The following IGBP1 variants were observed in gnomAD, a reference collection of about 807,000 sequenced individuals.
IGBP1 encodes the protein immunoglobulin-binding protein 1.
A neutral mutation model predicts 25.9 loss-of-function variants in IGBP1; 2 were observed. That is an observed-to-expected ratio of 0.08 (90% confidence interval 0.03 to 0.24). IGBP1 has a LOEUF of 0.24. Ranked by LOEUF, IGBP1 falls within the 10% of genes least tolerant of loss-of-function variation. The pLI is 1.00. For synonymous variants in IGBP1, 96 were observed against 93.4 expected (o/e 1.03, Z -0.16); for missense variants, 187 against 260.4 (o/e 0.72, Z 1.94).
At position 70,136,291 on chromosome X, in the gene IGBP1, G is replaced by A. The variant is rs770219540; in HGVS notation, c.482+1475G>A. 8.7e-4 allele frequency among the ~76,000 whole-genome samples: 97 copies of A among 111,773 alleles called. 1 individual carries two copies. Among genetic ancestry groups the A allele is most frequent in the African/African-American group, 2.9e-3 (90 of 30,790 alleles). ...TATATTGGTGCAGAAGCAATACACA[G>A]TCAGGGGAACATCAATAAATTACAT... is the stretch of plus-strand genomic sequence containing the variant. On this transcript the variant is annotated intron_variant, in intron 3 of 6. Coordinates refer to ENST00000356413, the MANE Select transcript of IGBP1 (RefSeq NM_001551.3).
At chrX:70,147,971 CT>C (rs1382880185) in intron 4 of IGBP1, among the ~76,000 whole-genome samples, 1 of 112,270 alleles carries the variant, frequency 8.9e-6, no homozygotes, top group African/African-American at 3.2e-5. Context: ...TATAAGGCCC[CT>C]TGAGCATGTC....
chrX:70,157,658 G>T (rs945575162), intron 6 of IGBP1, among the ~76,000 whole-genome samples: 2 of 112,295 alleles, frequency 1.8e-5, no homozygotes, highest in Non-Finnish European at 3.8e-5. Context: ...AAAGCCAGAC[G>T]CAAAAGAGTA....
intron 6 of IGBP1, among the ~76,000 whole-genome samples, chrX:70,156,987 G>T (rs892649725): frequency 8.9e-6 from 1 of 111,828 alleles, no homozygotes; most frequent in Non-Finnish European, 1.9e-5. Context: ...TGTTCTTACT[G>T]CAAAAATAAC....
chrX:70,136,583 A>G (rs1024077352), intron 3 of IGBP1, among the ~76,000 whole-genome samples: 1 of 111,316 alleles, frequency 9.0e-6, no homozygotes, highest in African/African-American at 3.3e-5. Flanking sequence ...AAACAGCACA[A>G]TATCTGGCAT....
chrX:70,145,698 C>A (rs983682469), intron 3 of IGBP1, among the ~76,000 whole-genome samples: 1 of 111,523 alleles, frequency 9.0e-6, no homozygotes, highest in Non-Finnish European at 1.9e-5. Flanking sequence ...ATTTCTCAGC[C>A]ATGTCAGGCC....
chrX:70,147,867 G>A (rs774179222), intron 4 of IGBP1, among the ~76,000 whole-genome samples: 22 of 112,048 alleles, frequency 2.0e-4, no homozygotes, highest in African/African-American at 7.1e-4. Flanking sequence ...AATTTGATTT[G>A]TACTAATTAG....
chrX:70,139,931 C>A (rs2085119961), intron 3 of IGBP1, among the ~76,000 whole-genome samples: 1 of 111,922 alleles, frequency 8.9e-6, no homozygotes, highest in Admixed American at 9.5e-5. Flanking sequence ...TCTTTCAGTT[C>A]TTTGAATAGA....
chrX:70,134,092 C>A lies in IGBP1; in HGVS notation c.145C>A (p.Leu49Ile). The A allele has an allele frequency of 8.3e-7, 1 of 1,211,902 alleles. No homozygotes were observed. The highest frequency in any genetic ancestry group is 1.1e-6 in the Non-Finnish European group (1 of 895,348). The change falls in exon 2 of 7, where the codon CTT (leucine) becomes ATT (isoleucine). Residue 49 changes from leucine to isoleucine, a missense_variant. By Grantham distance (5) the Leu-to-Ile change is conservative. Transcript: ENST00000356413. The stretch of plus-strand genomic sequence containing the variant: ...GAAGGTGTTCAAGGGCTTGGACCTC[C>A]TTGAGAAGGCTGCCGAAATGTTATC... ...QEKVFKGLDLLEKAAEMLSQL... is the reference protein window; with the variant it reads ...QEKVFKGLDLIEKAAEMLSQL...
intron 4 of IGBP1, among the ~76,000 whole-genome samples, chrX:70,147,422 C>CA (rs1220942143): frequency 6.9e-4 from 70 of 101,395 alleles, no homozygotes; most frequent in East Asian, 2.4e-3. Flanking sequence ...GACTCCATCT[C>CA]AAAAAAAAAA....
rs2085077781 is a variant in IGBP1 at position 70,133,877 on chromosome X, G to A, written c.-71G>A. The A allele has an allele frequency of 1.4e-5, 14 of 992,118 alleles. No individual in the cohort carries two copies. The highest frequency in any genetic ancestry group is 2.0e-5 in the South Asian group (1 of 49,491). The allele number at this position is 992,118 out of a possible 1,213,427, so 81.8% of individuals were successfully genotyped here. On this transcript the variant is annotated 5_prime_UTR_variant, in exon 2 of 7. Coordinates refer to ENST00000356413, the MANE Select transcript of IGBP1 (RefSeq NM_001551.3). ...GCTTCTTCCGGTTTTGTCCGCGCTC[G>A]CCTAATTCTTCTTTATCAAGGTTGC...
intron 3 of IGBP1, among the ~76,000 whole-genome samples, chrX:70,137,866 C>G (rs759759524): frequency 2.8e-5 from 3 of 108,270 alleles, no homozygotes; most frequent in Non-Finnish European, 5.7e-5. Context: ...GGCGCGGTGG[C>G]TTATGCCTGT....
At chrX:70,135,027 A>G (rs917521153) in intron 3 of IGBP1, among the ~76,000 whole-genome samples, 3 of 112,270 alleles carry the variant, frequency 2.7e-5, no homozygotes, top group African/African-American at 9.7e-5. Context: ...GACCCTTACT[A>G]CCTTATGGTT....
intron 3 of IGBP1, among the ~76,000 whole-genome samples, chrX:70,143,074 C>T (rs2085142163): frequency 9.1e-6 from 1 of 109,918 alleles, no homozygotes; most frequent in African/African-American, 3.3e-5. Context: ...AGGCGCCCAC[C>T]ACCAAACCCG....
At chrX:70,141,021 A>C (rs2085126096) in intron 3 of IGBP1, among the ~76,000 whole-genome samples, 1 of 110,949 alleles carries the variant, frequency 9.0e-6, no homozygotes, top group South Asian at 3.8e-4. Flanking sequence ...AAGTTAAGGG[A>C]GAAGGAAGAG....
At chrX:70,165,525 G>T (rs757934462) in intron 6 of IGBP1, among the ~76,000 whole-genome samples, 5 of 110,625 alleles carry the variant, frequency 4.5e-5, no homozygotes, top group South Asian at 3.9e-4. Context: ...AGGGGCTTGG[G>T]GGGGGTGGGT....
chrX:70,137,216 G>C (rs1414526144), intron 3 of IGBP1, among the ~76,000 whole-genome samples: 1 of 111,302 alleles, frequency 9.0e-6, no homozygotes, highest in African/African-American at 3.3e-5. Context: ...TGGGAGGTGA[G>C]ATAGAAGGAA....
intron 3 of IGBP1, among the ~76,000 whole-genome samples, chrX:70,139,962 G>C (rs765486956): frequency 8.9e-6 from 1 of 112,159 alleles, no homozygotes; most frequent in Non-Finnish European, 1.9e-5. Context: ...TCCCTCTATA[G>C]AATGTCTGTG....
At chrX:70,159,595 C>T (rs781238693) in intron 6 of IGBP1, among the ~76,000 whole-genome samples, 1 of 110,984 alleles carries the variant, frequency 9.0e-6, no homozygotes, top group African/African-American at 3.3e-5. Flanking sequence ...GGATGCTGCT[C>T]TCCCACCAAG....
chrX:70,163,516 G>A (rs2147593181), intron 6 of IGBP1, among the ~76,000 whole-genome samples: 1 of 111,942 alleles, frequency 8.9e-6, no homozygotes, highest in East Asian at 2.8e-4. Context: ...GGCTCTCTTT[G>A]TAAAAGTATT....
Sources: gnomAD v4.1 joint callset for allele counts (sites outside exome capture counted in the v4.1 genomes callset) on GRCh38, gnomAD v4.1.1 for gene constraint, MANE v1.5 for transcripts, NCBI Gene and HGNC (gene_info 2026-07-23, HGNC 2026-07-21) for gene names.